The following CAPN10 variants were observed in gnomAD, a reference collection of about 807,000 sequenced individuals.
CAPN10 encodes the protein calpain 10.
In CAPN10, 71 loss-of-function variants were observed where a neutral mutation model predicts 78.4. That is an observed-to-expected ratio of 0.91 (90% CI 0.75 to 1.10). The LOEUF is 1.10. Ranked by LOEUF, CAPN10 falls within the 50% of genes least tolerant of loss-of-function variation. The probability of loss-of-function intolerance (pLI) is 0.00; values close to 1 mark genes in which losing one functional copy is unlikely to be tolerated. For missense variants in CAPN10, 849 were observed against 924.6 expected, an observed-to-expected ratio of 0.92 and a Z score of 1.06; for synonymous variants, 437 against 407.2, an observed-to-expected ratio of 1.07 and a Z score of -0.88.
rs1177890749 is a variant in CAPN10, at chr2:240,590,809, T to C, written c.274-6T>C. 1.9e-6 allele frequency: 3 copies of C among 1,613,888 alleles called. No homozygotes were observed. The highest frequency in any genetic ancestry group is 1.3e-5 in the African/African-American group (1 of 75,056). On this transcript the variant is annotated splice_region_variant and splice_polypyrimidine_tract_variant and intron_variant, in intron 2 of 11. Transcript: ENST00000391984. The stretch of plus-strand genomic sequence containing the variant: ...CTCGCCTTTTGCTTCTCCCTGTGCA[T>C]GGCAGGTCATTCCTCCGGGACAGCC...
chr2:240,596,924 C>T lies in CAPN10; in HGVS notation c.1725C>T (p.Ile575=), dbSNP rs771697646. The T allele has an allele frequency of 1.2e-5, 19 of 1,613,574 alleles. No individual in the cohort carries two copies. Among genetic ancestry groups the T allele is most frequent in the South Asian group, 2.2e-5 (2 of 91,088 alleles). Residue 575 remains isoleucine (I), a synonymous_variant, in exon 9 of 12, where the codon ATC becomes ATT. Coordinates refer to ENST00000391984, the MANE Select transcript of CAPN10 (RefSeq NM_023083.4). ...CRPSDTEFHP[I]GFHIFQVPEG... ...CCAGTGACACCGAGTTCCACCCCAT[C>T]GGCTTCCATATCTTCCAGGCAAGCT...
In CAPN10 at chr2:240,588,225, A is replaced by G. The variant is rs2093080326; in HGVS notation, c.142-1118A>G. Among the ~76,000 whole-genome samples the G allele has an allele frequency of 2.0e-5, 3 of 152,026 alleles. No homozygotes were observed. The South Asian group carries it at 6.2e-4, about 31-fold the overall frequency. Reference sequence around the variant, plus strand: ...CTTCAGGTGGAGCTGTCCTGGAGGCAGGTGGATCTGTCCTGGAGGCAGGTG... The same window carrying G: ...CTTCAGGTGGAGCTGTCCTGGAGGCGGGTGGATCTGTCCTGGAGGCAGGTG... On this transcript the variant is annotated intron_variant, in intron 1 of 11. Transcript: ENST00000391984.
chr2:240,590,876 G>T lies in CAPN10; in HGVS notation c.335G>T (p.Arg112Leu), dbSNP rs770272925. The T allele has an allele frequency of 6.2e-7, 1 of 1,614,240 alleles. No homozygotes were observed. Among genetic ancestry groups the T allele is most frequent in the Non-Finnish European group, 8.5e-7 (1 of 1,180,048 alleles). The change falls in exon 3 of 12, where the codon CGC becomes CTC. Residue 112 changes from arginine (R) to leucine (L), a missense_variant. Coordinates refer to ENST00000391984, the MANE Select transcript of CAPN10 (RefSeq NM_023083.4). ...GAGTACCGGGGCTCCTTCACCTGTC[G>T]CATTTGGCAGTTTGGACGCTGGGTG... ...DQEYRGSFTC[R>L]IWQFGRWVEV...
chr2:240,596,729 T>C lies in CAPN10; in HGVS notation c.1530T>C (p.Pro510=). 1 of 1,589,654 alleles carries C rather than the reference T, an allele frequency of 6.3e-7. No homozygotes were observed. The highest frequency in any genetic ancestry group is 8.6e-7 in the Non-Finnish European group (1 of 1,166,590). Residue 510 remains proline (P), a synonymous_variant, in exon 9 of 12, where the codon CCT becomes CCC. Transcript: ENST00000391984. ...ACACCACCCCCGGGGCAGCCCTGCC[T>C]GCGGGGGAGTGGGGGACCGTGCAGC... is the stretch of plus-strand genomic sequence containing the variant. ...AKNTTPGAAL[P]AGEWGTVQLR...
chr2:240,598,003 C>A lies in CAPN10; in HGVS notation c.1859C>A (p.Ala620Glu). 1 of 1,613,220 alleles carries A rather than the reference C, an allele frequency of 6.2e-7. No individual in the cohort carries two copies. ...GTGAGCCGGCTCTGCCTCCTGCCTG[C>A]GGGCACCTACAAGGTTGTGCCCTCC... The part of the protein sequence containing the change: ...QEVSRLCLLP[A>E]GTYKVVPSTY... The change falls in exon 10 of 12, where the codon GCG (alanine) becomes GAG (glutamate). Residue 620 changes from alanine to glutamate, a missense_variant. Ala to Glu is a moderately radical substitution (Grantham distance 107). Coordinates refer to ENST00000391984, the MANE Select transcript of CAPN10 (RefSeq NM_023083.4).
intron 4 of CAPN10, chr2:240,592,676 T>C: frequency 2.8e-6 from 1 of 362,110 alleles, no homozygotes. Flanking sequence ...ATCACTTAGA[T>C]GGAACCACAT....
rs2093148839 is a variant in CAPN10 at position 240,598,085 on chromosome 2, C to T, written c.1941C>T (p.Asp647=). The part of the protein sequence containing the change: ...AFTVTIATRI[D]RPSIHSQEML... Reference sequence around the variant, plus strand: ...CAGTGACCATCGCAACCAGGATTGACAGGTGGGGCTCTGGGACTTGGGGGC... The same window carrying T: ...CAGTGACCATCGCAACCAGGATTGATAGGTGGGGCTCTGGGACTTGGGGGC... Residue 647 remains aspartate (D), a splice_region_variant and synonymous_variant, in exon 10 of 12, where the codon GAC becomes GAT. Transcript: ENST00000391984. 1.2e-6 allele frequency: 2 copies of T among 1,604,228 alleles called. No individual in the cohort carries two copies. Among genetic ancestry groups the T allele is most frequent in the Non-Finnish European group, 8.5e-7 (1 of 1,173,138 alleles).
In CAPN10 at chr2:240,586,987, C is replaced by A. The variant is rs1363349305; in HGVS notation, c.76C>A (p.Leu26Ile). Residue 26 changes from leucine to isoleucine, a missense_variant, in exon 1 of 12, where the codon CTC (leucine) becomes ATC (isoleucine). Coordinates refer to ENST00000391984, the MANE Select transcript of CAPN10 (RefSeq NM_023083.4). ...CGCCTTCCCCGCCGCGGACTCCTCG[C>A]TCTTCTGCGACTTGTCTACGCCGCT... ...DAAFPAADSS[L>I]FCDLSTPLAQ... is the part of the protein sequence containing the mutation. The A allele has an allele frequency of 2.0e-6, 3 of 1,486,416 alleles. No individual in the cohort carries two copies. The Admixed American group carries it at 7.1e-5, about 35-fold the overall frequency. The allele number at this position is 1,486,416 out of a possible 1,614,324, so 92.1% of individuals were successfully genotyped here.
chr2:240,597,566 A>G (rs1270159816), intron 9 of CAPN10, among the ~76,000 whole-genome samples: 1 of 152,148 alleles, frequency 6.6e-6, no homozygotes, highest in African/African-American at 2.4e-5. Context: ...GCCCTGGGCC[A>G]CCGGCTCAGG....
At chr2:240,595,581 GC>G (rs1559426401) in intron 7 of CAPN10, among the ~76,000 whole-genome samples, 1 of 152,236 alleles carries the variant, frequency 6.6e-6, no homozygotes. Flanking sequence ...CGCAGGAGGG[GC>G]CTGGACCCGG....
rs1213864399 is a variant in CAPN10 at position 240,586,924 on chromosome 2, C to A, written c.13C>A (p.Arg5=). The change falls in exon 1 of 12, where the codon CGG becomes AGG. Residue 5 remains arginine (R), a synonymous_variant. Transcript: ENST00000391984. MRAG[R]GATPARELFR... ...CGCGGAGCCGAGGATGCGGGCGGGCCGGGGCGCGACGCCGGCGAGGGAGCT... is the reference window on the plus strand; with the variant it reads ...CGCGGAGCCGAGGATGCGGGCGGGCAGGGGCGCGACGCCGGCGAGGGAGCT... The A allele has an allele frequency of 4.2e-6, 6 of 1,442,098 alleles. No individual in the cohort carries two copies. Among genetic ancestry groups the A allele is most frequent in the Non-Finnish European group, 5.5e-6 (6 of 1,099,378 alleles). The allele number at this position is 1,442,098 out of a possible 1,614,324, so 89.3% of individuals were successfully genotyped here. A position where few individuals can be genotyped will look rare whatever the true frequency, so the allele number is the denominator to read the frequency against.
chr2:240,590,745 C>G, intron 2 of CAPN10, 70 bp from the exon 3 acceptor site: 1 of 1,472,534 alleles, frequency 6.8e-7, no homozygotes. Context: ...ACACCGCGGC[C>G]GGGACACTGG....
chr2:240,598,223 G>T, intron 10 of CAPN10, 129 bp from the exon 11 acceptor site: 1 of 1,398,830 alleles, frequency 7.1e-7, no homozygotes. Context: ...GGGCTGTCCT[G>T]CCTACCTGGG....
rs2093089619 is a variant in CAPN10, at chr2:240,589,722, C to T, written c.273+248C>T. On this transcript the variant is annotated intron_variant, in intron 2 of 11. Coordinates refer to ENST00000391984, the MANE Select transcript of CAPN10 (RefSeq NM_023083.4). ...GGAGGTTCGCCCTGCTCTGTGCTCT[C>T]CTGACCCCCGGACTCCATGGAGTCA... 4 of 500,486 alleles carry T rather than the reference C, an allele frequency of 8.0e-6. No individual in the cohort carries two copies. In the East Asian group the frequency reaches 1.4e-4, roughly 17 times the overall value. 31.0% of individuals were successfully genotyped at this position (500,486 alleles called of 1,614,324 possible).
chr2:240,587,710 A>C (rs916231147), intron 1 of CAPN10, among the ~76,000 whole-genome samples: 7 of 152,364 alleles, frequency 4.6e-5, no homozygotes, highest in African/African-American at 1.7e-4. Flanking sequence ...TGGCTTTGAC[A>C]GGCCACCTGG....
Position 240,589,470 on chromosome 2 carries a change from A to G in CAPN10, c.269A>G (p.Asp90Gly), listed in dbSNP as rs761473089. The G allele has an allele frequency of 6.2e-7, 1 of 1,612,174 alleles. No individual in the cohort carries two copies. The highest frequency in any genetic ancestry group is 2.2e-5 in the East Asian group (1 of 44,864). Residue 90 changes from aspartate (D) to glycine (G), a missense_variant, in exon 2 of 12, where the codon GAC becomes GGC. Transcript: ENST00000391984. ...AALQKSRHLL[D>G]QVIPPGQPSW... ...CTGCAGAAGAGCAGGCACCTCCTGG[A>G]CCAGGTGCGGGGCCCCTTCCCTGTG...
rs768412786 is a variant in CAPN10 at position 240,596,861 on chromosome 2, C to T, written c.1662C>T (p.Pro554=). The T allele has an allele frequency of 1.9e-6, 3 of 1,613,590 alleles. No homozygotes were observed. In the East Asian group the frequency reaches 6.7e-5, roughly 36 times the overall value. The change falls in exon 9 of 12, where the codon CCC becomes CCT. Residue 554 remains proline (P), a synonymous_variant. Transcript: ENST00000391984. ...FPFSVPEGPG[P]RCVRITLHQH... is the part of the protein sequence containing the mutation. ...TCTCGGTCCCCGAGGGCCCTGGCCCCCGCTGCGTCCGCATCACTCTGCATC... is the reference window on the plus strand; with the variant it reads ...TCTCGGTCCCCGAGGGCCCTGGCCCTCGCTGCGTCCGCATCACTCTGCATC...
At chr2:240,588,755 T>C (rs578246969) in intron 1 of CAPN10, among the ~76,000 whole-genome samples, 1 of 152,086 alleles carries the variant, frequency 6.6e-6, no homozygotes, top group East Asian at 1.9e-4. Flanking sequence ...AAGGAGACTA[T>C]GGTGCTGAGA....
chr2:240,594,126 A>C (rs2093120576), intron 5 of CAPN10, 79 bp downstream of exon 5: 9 of 1,420,824 alleles, frequency 6.3e-6, no homozygotes, highest in Non-Finnish European at 8.5e-6. Flanking sequence ...GGTCACCTTC[A>C]GCTGTCAGGA....
Sources: allele counts gnomAD v4.1 joint callset (sites outside exome capture counted in the v4.1 genomes callset), GRCh38; gene constraint gnomAD v4.1.1; transcripts MANE v1.5; gene names NCBI Gene and HGNC (gene_info 2026-07-23, HGNC 2026-07-21).